Variants in GPC5 observed in about 807,000 individuals in gnomAD.
The protein encoded by GPC5 is glypican-5.
A neutral mutation model predicts 53.9 loss-of-function variants in GPC5; 47 were observed. The ratio of observed to expected loss-of-function variants is 0.87; its 90% CI spans 0.69 to 1.11. The LOEUF is 1.11. Ranked by LOEUF, GPC5 falls within the 50% of genes most tolerant of loss-of-function variation. GPC5 has a pLI of 0.00. For synonymous variants in GPC5, 286 were observed against 263.3 expected (o/e 1.09, Z -0.84); for missense variants, 748 against 713.1 (o/e 1.05, Z -0.56).
At chr13:92,694,013 T>C (rs1594425162) in intron 7 of GPC5, among the ~76,000 whole-genome samples, 1 of 152,184 alleles carries the variant, frequency 6.6e-6, no homozygotes, top group Non-Finnish European at 1.5e-5. Flanking sequence ...CAGCTGCAGA[T>C]ATAGCTAAAA....
chr13:91,620,172 A>G (rs1261679351), intron 2 of GPC5, among the ~76,000 whole-genome samples: 2 of 152,038 alleles, frequency 1.3e-5, no homozygotes, highest in African/African-American at 4.8e-5. Flanking sequence ...TTTAACCATC[A>G]CCAGGTCTCT....
At chr13:92,476,384 T>C (rs1463654239) in intron 7 of GPC5, among the ~76,000 whole-genome samples, 3 of 150,878 alleles carry the variant, frequency 2.0e-5, no homozygotes, top group African/African-American at 4.9e-5. Context: ...CATTAAAAAG[T>C]CAGGAAACAA....
chr13:92,019,735 G>A (rs1027692431), intron 6 of GPC5, among the ~76,000 whole-genome samples: 17 of 152,050 alleles, frequency 1.1e-4, no homozygotes, highest in African/African-American at 3.6e-4. Flanking sequence ...AAAAGAGATG[G>A]CATTTGGTGG....
At chr13:91,989,732 C>A (rs1271607604) in intron 6 of GPC5, among the ~76,000 whole-genome samples, 1 of 152,058 alleles carries the variant, frequency 6.6e-6, no homozygotes, top group East Asian at 1.9e-4. Flanking sequence ...TAATAGCATG[C>A]AATTACTATT....
At chr13:91,557,188 G>A (rs2031006945) in intron 2 of GPC5, among the ~76,000 whole-genome samples, 3 of 151,956 alleles carry the variant, frequency 2.0e-5, no homozygotes, top group Admixed American at 6.6e-5. Flanking sequence ...GAGCGATTCC[G>A]TTTCTCTGCA....
chr13:92,571,616 T>C (rs1883024166), intron 7 of GPC5, among the ~76,000 whole-genome samples: 4 of 152,028 alleles, frequency 2.6e-5, no homozygotes, highest in Non-Finnish European at 5.9e-5. Context: ...GCCTTTCCGG[T>C]ATCAGTGTGC....
At chr13:91,741,538 G>A (rs950153324) in intron 4 of GPC5, among the ~76,000 whole-genome samples, 1 of 152,084 alleles carries the variant, frequency 6.6e-6, no homozygotes, top group Non-Finnish European at 1.5e-5. Flanking sequence ...ATTCAGTGAA[G>A]AACACTTAAT....
chr13:92,398,428 C>CAAAAAAAAAAAAAAAAAAA (rs35873316), intron 7 of GPC5, among the ~76,000 whole-genome samples: 15 of 87,646 alleles, frequency 1.7e-4, no homozygotes, highest in African/African-American at 3.0e-4. Flanking sequence ...GACTCCGTCT[C>CAAAAAAAAAAAAAAAAAAA]AAAAAAAAAA....
intron 6 of GPC5, among the ~76,000 whole-genome samples, chr13:92,047,746 G>A (rs1471839420): frequency 6.7e-6 from 1 of 149,616 alleles, no homozygotes; most frequent in African/African-American, 2.4e-5. Context: ...CAAGGCAGGC[G>A]GATCATGAGG....
Position 91,671,861 on chromosome 13 carries a change from A to T in GPC5, c.326-21326A>T, listed in dbSNP as rs143074561. Among the ~76,000 whole-genome samples the T allele has an allele frequency of 8.4e-4, 127 of 151,926 alleles. 4 individuals are homozygous for T. In the East Asian group the frequency reaches 0.023, roughly 27 times the overall value. On this transcript the variant is annotated intron_variant, in intron 2 of 7. Transcript: ENST00000377067. ...CAAACTATAGTGCAAGGTTACAGTA[A>T]CAAAAACAGCATAGTACTGGTATCA...
intron 2 of GPC5, among the ~76,000 whole-genome samples, chr13:91,525,887 G>T (rs991208976): frequency 5.5e-4 from 83 of 152,274 alleles, no homozygotes; most frequent in African/African-American, 1.9e-3. Context: ...TTACAAAAAT[G>T]ATCCTAAATT....
rs563672471 is a variant in GPC5, at chr13:92,794,270, C to A, written c.1562-72012C>A. On this transcript the variant is annotated intron_variant, in intron 7 of 7. Transcript: ENST00000377067. ...ACGTAATCCATCATATAAAGAGAAC[C>A]AATGACAAAAACCATATGATTATCT... Among the ~76,000 whole-genome samples the A allele has an allele frequency of 4.6e-5, 7 of 152,146 alleles. No individual in the cohort carries two copies. The South Asian group carries it at 1.2e-3, about 27-fold the overall frequency.
chr13:91,550,708 T>C (rs1832189), intron 2 of GPC5, among the ~76,000 whole-genome samples: 132,217 of 152,050 alleles, frequency 0.87, 58,588 homozygotes, highest in East Asian at 1. Flanking sequence ...GGTTTGGCTA[T>C]GTCCTCACCC....
At chr13:91,558,040 G>A (rs1334580244) in intron 2 of GPC5, among the ~76,000 whole-genome samples, 1 of 152,108 alleles carries the variant, frequency 6.6e-6, no homozygotes, top group African/African-American at 2.4e-5. Context: ...AAAAGTCAGG[G>A]GGAGCATATT....
chr13:91,694,074 G>A (rs1450981331), intron 3 of GPC5, among the ~76,000 whole-genome samples, 193 bp downstream of exon 3: 1 of 152,140 alleles, frequency 6.6e-6, no homozygotes, highest in East Asian at 1.9e-4. Context: ...TGCTGAAAGG[G>A]TGAGTACTGT....
At chr13:91,857,053 A>C (rs975184404) in intron 5 of GPC5, among the ~76,000 whole-genome samples, 5 of 151,376 alleles carry the variant, frequency 3.3e-5, no homozygotes, top group African/African-American at 1.2e-4. Flanking sequence ...TTTAAAATTA[A>C]ATGACCAAAT....
chr13:91,467,802 T>G (rs1882341250), intron 2 of GPC5, among the ~76,000 whole-genome samples: 1 of 152,216 alleles, frequency 6.6e-6, no homozygotes, highest in African/African-American at 2.4e-5. Flanking sequence ...TAGGGAATAA[T>G]TTTTCCTTTG....
chr13:92,623,610 G>A (rs1210184418), intron 7 of GPC5, among the ~76,000 whole-genome samples: 2 of 152,106 alleles, frequency 1.3e-5, no homozygotes, highest in Non-Finnish European at 2.9e-5. Flanking sequence ...TACGTTAGTG[G>A]ATTGTTACGG....
At chr13:92,781,813 G>A (rs1876032709) in intron 7 of GPC5, among the ~76,000 whole-genome samples, 1 of 152,208 alleles carries the variant, frequency 6.6e-6, no homozygotes, top group Non-Finnish European at 1.5e-5. Flanking sequence ...GTGACTGATA[G>A]GCAGAGATCT....
Sources: gnomAD v4.1 joint callset for allele counts (sites outside exome capture counted in the v4.1 genomes callset) on GRCh38, gnomAD v4.1.1 for gene constraint, MANE v1.5 for transcripts, NCBI Gene and HGNC (gene_info 2026-07-23, HGNC 2026-07-21) for gene names.